TLN1: variants seen among roughly 807,000 people sequenced by gnomAD.
The protein encoded by TLN1 is talin-1.
TLN1 carries 56 observed loss-of-function variants against 292.3 expected under a neutral mutation model. The ratio of observed to expected loss-of-function variants is 0.19; its 90% CI spans 0.15 to 0.24. The LOEUF is 0.24. Ranked by LOEUF, TLN1 falls within the 10% of genes least tolerant of loss-of-function variation. TLN1 has a pLI of 1.00. For synonymous variants in TLN1, 1,119 were observed against 1,253.7 expected, an observed-to-expected ratio of 0.89 and a Z score of 2.27; for missense variants, 2,433 against 3,248.2, an observed-to-expected ratio of 0.75 and a Z score of 6.10.
In TLN1 at chr9:35,720,120, C is replaced by T. The variant is rs1825855655; in HGVS notation, c.1383G>A (p.Glu461=). 6.2e-7 allele frequency: 1 copy of T among 1,612,594 alleles called. No homozygotes were observed. Residue 461 remains glutamate, a synonymous_variant, in exon 13 of 57, where the codon GAG becomes GAA. Transcript: ENST00000314888. ...GGGGCATGCTGCCCACCTGGAAATT[C>T]TCAGGACCAGAGGCTCCAGAGCGCA... ...AIMRSGASGP[E]NFQVGSMPPA...
Position 35,704,622 on chromosome 9 carries a change from CAG to C in TLN1, c.5880+45_5880+46del, listed in dbSNP as rs148367006. On this transcript the variant is annotated intron_variant, in intron 44 of 56. Transcript: ENST00000314888. This position sits in a 1 kb window ranked among gnomAD's most constrained non-coding sequence, Gnocchi z 6.9. Reference sequence around the variant, plus strand: ...GGCTGGAGGAGGATGGCAAAGGCTACAGAGTTTGGAGGCAGTCCCACCATCTG... The same window carrying C: ...GGCTGGAGGAGGATGGCAAAGGCTACAGTTTGGAGGCAGTCCCACCATCTG... 2.4e-4 allele frequency: 379 copies of C among 1,607,998 alleles called. No individual in the cohort carries two copies. In the African/African-American group the frequency reaches 4.6e-3, roughly 20 times the overall value.
In TLN1 at chr9:35,717,201, A is replaced by C. The variant is rs142237326; in HGVS notation, c.2403T>G (p.Ala801=). Residue 801 remains alanine, a synonymous_variant, in exon 19 of 57, where the codon GCT becomes GCG. Coordinates refer to ENST00000314888, the MANE Select transcript of TLN1 (RefSeq NM_006289.4). The surrounding 1 kb of genome is among the most constrained non-coding windows in gnomAD (Gnocchi z 4.7). ...CAGTGACGGTTAGGATGGTGTCAGTAGCCTGGTCATAACGGCCAGCAGGCC... is the reference window on the plus strand; with the variant it reads ...CAGTGACGGTTAGGATGGTGTCAGTCGCCTGGTCATAACGGCCAGCAGGCC... ...GAGPAGRYDQ[A]TDTILTVTEN... is the part of the protein sequence containing the mutation. 7.7e-5 allele frequency: 124 copies of C among 1,613,694 alleles called. No homozygotes were observed. The African/African-American group carries it at 1.5e-3, about 20-fold the overall frequency.
chr9:35,703,724 G>C (rs1200787409), intron 47 of TLN1, 48 bp from the exon 48 acceptor site: 1 of 1,614,166 alleles, frequency 6.2e-7, no homozygotes. Context: ...GGAACAGGAG[G>C]AAGTATGTTA....
chr9:35,729,813 T>C (rs1826038505), intron 1 of TLN1, among the ~76,000 whole-genome samples: 1 of 151,972 alleles, frequency 6.6e-6, no homozygotes, highest in African/African-American at 2.4e-5. Context: ...AAGGATCAGG[T>C]TGGGCAGAGA....
chr9:35,708,051 T>C, intron 34 of TLN1, 159 bp from the exon 35 acceptor site: 1 of 849,872 alleles, frequency 1.2e-6, no homozygotes. Context: ...GAGACAGAGA[T>C]ACCCAAAGAT....
rs961439767 is a variant in TLN1 at position 35,714,638 on chromosome 9, T to C, written c.2921A>G (p.Gln974Arg). 1 of 1,613,792 alleles carries C rather than the reference T, an allele frequency of 6.2e-7. No individual in the cohort carries two copies. ...PLLVQGVRGS[Q>R]AQPDSPSAQL... The stretch of plus-strand genomic sequence containing the variant: ...AGCGCTGGGGCTGTCAGGCTGGGCT[T>C]GGCTTCCTCGGACGCCCTGCACCAG... Residue 974 changes from glutamine to arginine, a missense_variant, in exon 23 of 57, where the codon CAA becomes CGA. This residue lies in a region of TLN1 where 617 missense variants were observed against 770.6 expected (regional missense o/e 0.80). Coordinates refer to ENST00000314888, the MANE Select transcript of TLN1 (RefSeq NM_006289.4). This position sits in a 1 kb window ranked among gnomAD's most constrained non-coding sequence, Gnocchi z 4.6.
chr9:35,713,991 C>A lies in TLN1; in HGVS notation c.3211G>T (p.Ala1071Ser). The A allele has an allele frequency of 6.2e-7, 1 of 1,614,204 alleles. No homozygotes were observed. Among genetic ancestry groups the A allele is most frequent in the Non-Finnish European group, 8.5e-7 (1 of 1,180,038 alleles). The change falls in exon 25 of 57, where the codon GCT (alanine) becomes TCT (serine). Residue 1071 changes from alanine to serine, a missense_variant. This residue lies in a region of TLN1 where 1,384 missense variants were observed against 1,699.6 expected (regional missense o/e 0.81). Coordinates refer to ENST00000314888, the MANE Select transcript of TLN1 (RefSeq NM_006289.4). The part of the protein sequence containing the change: ...EKDLQEVKAA[A>S]RDGKLKPLPG... ...AAGGGTTTAAGCTTGCCATCTCGAG[C>A]TGCTGCCTTCACTTCCTGTAGATCT...
chr9:35,720,467 A>G lies in TLN1; in HGVS notation c.1249T>C (p.Ser417Pro). ...GACACTGAGTCCTCCAGCATAGTAG[A>G]CTCCTCATCTCCTTCCAGCCCAAAG... ...DHFGLEGDEE[S>P]TMLEDSVSPK... Residue 417 changes from serine (S) to proline (P), a missense_variant, in exon 12 of 57, where the codon TCT becomes CCT. Physicochemically the swap from Ser to Pro is moderately conservative, Grantham distance 74. Coordinates refer to ENST00000314888, the MANE Select transcript of TLN1 (RefSeq NM_006289.4). The G allele has an allele frequency of 6.2e-7, 1 of 1,613,908 alleles. No individual in the cohort carries two copies. The highest frequency in any genetic ancestry group is 1.6e-4 in the Middle Eastern group (1 of 6,062).
chr9:35,721,887 G>A (rs1241512827), intron 9 of TLN1, 84 bp from the exon 10 acceptor site: 1 of 1,550,588 alleles, frequency 6.4e-7, no homozygotes, highest in Non-Finnish European at 8.9e-7. Flanking sequence ...AGCCATAGGG[G>A]ATGTTGAGGT....
chr9:35,699,166 TGAAG>T lies in TLN1; in HGVS notation c.6875-14_6875-11del, dbSNP rs756816174. The T allele has an allele frequency of 5.6e-6, 9 of 1,600,244 alleles. No homozygotes were observed. Among genetic ancestry groups the T allele is most frequent in the Non-Finnish European group, 6.8e-6 (8 of 1,171,880 alleles). Reference sequence around the variant, plus strand: ...TCTACCCATTCTGTTCCTGGTGGGATGAAGGAAGAGGAAAGAGGCTAAGGCAGAG... The same window carrying T: ...TCTACCCATTCTGTTCCTGGTGGGATGAAGAGGAAAGAGGCTAAGGCAGAG... On this transcript the variant is annotated splice_polypyrimidine_tract_variant and intron_variant, in intron 51 of 56. Transcript: ENST00000314888. The surrounding 1 kb of genome is among the most constrained non-coding windows in gnomAD (Gnocchi z 4.0).
At position 35,699,342 on chromosome 9, in the gene TLN1, T is replaced by C. The variant is rs1191933119; in HGVS notation, c.6874+14A>G. 2 of 1,605,202 alleles carry C rather than the reference T, an allele frequency of 1.2e-6. No homozygotes were observed. Among genetic ancestry groups the C allele is most frequent in the Admixed American group, 1.7e-5 (1 of 58,598 alleles). On this transcript the variant is annotated intron_variant, in intron 51 of 56. Coordinates refer to ENST00000314888, the MANE Select transcript of TLN1 (RefSeq NM_006289.4). The surrounding 1 kb of genome is among the most constrained non-coding windows in gnomAD (Gnocchi z 4.0). ...AGGGTTTTCCATCCGTCCCTGTCCC[T>C]GGTCACCCCTCACCCTTCATGGCTT...
Position 35,722,239 on chromosome 9 carries a change from G to A in TLN1, c.844-16C>T. 1.2e-6 allele frequency: 2 copies of A among 1,609,890 alleles called. No individual in the cohort carries two copies. The highest frequency in any genetic ancestry group is 8.5e-7 in the Non-Finnish European group (1 of 1,176,110). ...TCTTGTGTGCCTGTGCATAAAATGG[G>A]GAAGAATTTAGCAAAGAGTTTCATA... On this transcript the variant is annotated splice_polypyrimidine_tract_variant and intron_variant, in intron 8 of 56. Transcript: ENST00000314888.
chr9:35,697,369 C>A lies in TLN1; in HGVS notation c.*422G>T. ...TAGAATCATTTTTATTGGAGCATGA[C>A]CTGTTTGGGGCTTATAACTCTGCAG... On this transcript the variant is annotated 3_prime_UTR_variant, in exon 57 of 57. Coordinates refer to ENST00000314888, the MANE Select transcript of TLN1 (RefSeq NM_006289.4). The A allele has an allele frequency of 5.8e-6, 1 of 172,156 alleles. No homozygotes were observed. The highest frequency in any genetic ancestry group is 5.7e-5 in the Admixed American group (1 of 17,524). The allele number at this position is 172,156 out of a possible 1,614,324, so 10.7% of individuals were successfully genotyped here.
Position 35,699,253 on chromosome 9 carries a change from G to C in TLN1, c.6875-97C>G. 6.4e-7 allele frequency: 1 copy of C among 1,554,426 alleles called. No individual in the cohort carries two copies. The highest frequency in any genetic ancestry group is 1.2e-5 in the South Asian group (1 of 82,830). On this transcript the variant is annotated intron_variant, in intron 51 of 56. Transcript: ENST00000314888. The surrounding 1 kb of genome is among the most constrained non-coding windows in gnomAD (Gnocchi z 4.0). ...AGTATCATCAGGCCCTGGCATCTGTGGGGACTATGGTCAGAGGCTAGCACA... is the reference window on the plus strand; with the variant it reads ...AGTATCATCAGGCCCTGGCATCTGTCGGGACTATGGTCAGAGGCTAGCACA...
rs1419298818 is a variant in TLN1 at position 35,699,195 on chromosome 9, G to A, written c.6875-39C>T. On this transcript the variant is annotated intron_variant, in intron 51 of 56. Transcript: ENST00000314888. This position sits in a 1 kb window ranked among gnomAD's most constrained non-coding sequence, Gnocchi z 4.0. ...GGAAGAGGAAAGAGGCTAAGGCAGA[G>A]TGGGGAGGTCAAAAGCACCAGGGAG... 5.0e-6 allele frequency: 8 copies of A among 1,586,986 alleles called. No individual in the cohort carries two copies. The highest frequency in any genetic ancestry group is 6.9e-6 in the Non-Finnish European group (8 of 1,164,856).
rs1825399796 is a variant in TLN1, at chr9:35,698,177, G to A, written c.7372-5C>T. On this transcript the variant is annotated splice_region_variant and splice_polypyrimidine_tract_variant and intron_variant, in intron 55 of 56. Coordinates refer to ENST00000314888, the MANE Select transcript of TLN1 (RefSeq NM_006289.4). The surrounding 1 kb of genome is among the most constrained non-coding windows in gnomAD (Gnocchi z 5.3). ...CTTCACTGCGTTGCCAGCAGCCTGG[G>A]CAGAGAGAAAGTGGCCTAGGTTGAG... 1.2e-6 allele frequency: 2 copies of A among 1,613,862 alleles called. No homozygotes were observed. Among genetic ancestry groups the A allele is most frequent in the Middle Eastern group, 1.7e-4 (1 of 6,058 alleles).
chr9:35,705,257 G>C (rs545621021), intron 43 of TLN1, among the ~76,000 whole-genome samples: 1 of 152,234 alleles, frequency 6.6e-6, no homozygotes, highest in South Asian at 2.1e-4. Flanking sequence ...GAAAGAACAA[G>C]AACATGGACT....
chr9:35,698,537 C>A lies in TLN1; in HGVS notation c.7189-32G>T. On this transcript the variant is annotated intron_variant, in intron 54 of 56. Coordinates refer to ENST00000314888, the MANE Select transcript of TLN1 (RefSeq NM_006289.4). The surrounding 1 kb of genome is among the most constrained non-coding windows in gnomAD (Gnocchi z 5.3). ...CAGGGAGAGTTTGCTTAAAAATATG[C>A]CCCTTGCCCTGGTCCATCCCCACTC... is the stretch of plus-strand genomic sequence containing the variant. The A allele has an allele frequency of 1.2e-6, 2 of 1,613,400 alleles. No individual in the cohort carries two copies. The highest frequency in any genetic ancestry group is 1.3e-5 in the African/African-American group (1 of 75,020).
Position 35,714,645 on chromosome 9 carries a change from C to T in TLN1, c.2914G>A (p.Gly972Arg). 1 of 1,613,842 alleles carries T rather than the reference C, an allele frequency of 6.2e-7. No homozygotes were observed. The highest frequency in any genetic ancestry group is 8.5e-7 in the Non-Finnish European group (1 of 1,180,034). The change falls in exon 23 of 57, where the codon GGA (glycine) becomes AGA (arginine). Residue 972 changes from glycine to arginine, a missense_variant. Transcript: ENST00000314888. This position sits in a 1 kb window ranked among gnomAD's most constrained non-coding sequence, Gnocchi z 4.6. ...QIPLLVQGVRGSQAQPDSPSA... is the reference protein window; with the variant it reads ...QIPLLVQGVRRSQAQPDSPSA... ...GGGCTGTCAGGCTGGGCTTGGCTTC[C>T]TCGGACGCCCTGCACCAGCAGTGGA...
Sources: gnomAD v4.1 joint callset for allele counts (sites outside exome capture counted in the v4.1 genomes callset) on GRCh38, gnomAD v4.1.1 for gene constraint, gnomAD v4.1.1 regional missense constraint, Gnocchi (gnomAD v3.1) non-coding constraint, MANE v1.5 for transcripts, NCBI Gene and HGNC (gene_info 2026-07-23, HGNC 2026-07-21) for gene names.